AMER1: variants seen among roughly 807,000 people sequenced by gnomAD.
The protein encoded by AMER1 is RP11-403E24.2.
AMER1 carries 16 observed loss-of-function variants against 53.0 expected under a neutral mutation model. The observed-to-expected ratio is 0.30, with a 90% CI of 0.20 to 0.46. The LOEUF (loss-of-function observed/expected upper bound fraction) is 0.46, where lower values mean the gene tolerates loss of function less well. AMER1 is among the 20% of genes least tolerant of loss of function. The pLI is 1.00. For synonymous variants in AMER1, 354 were observed against 331.9 expected, an observed-to-expected ratio of 1.07 and a Z score of -0.73; for missense variants, 947 against 884.9, an observed-to-expected ratio of 1.07 and a Z score of -0.89.
rs913123410 is a variant in AMER1, at chrX:64,191,068, G to C, written c.2219C>G (p.Ser740Cys). Reference protein sequence around the residue: ...PDMQEANFGGSPRRAYPTYSP... With the variant: ...PDMQEANFGGCPRRAYPTYSP... ...ATAAGTAGGGTAGGCCCTCCTGGGA[G>C]ATCCTCCAAAATTTGCTTCTTGCAT... The change falls in exon 2 of 2, where the codon TCT (serine) becomes TGT (cysteine). Residue 740 changes from serine (S) to cysteine (C), a missense_variant. Coordinates refer to ENST00000374869, the MANE Select transcript of AMER1 (RefSeq NM_152424.4). 15 of 1,210,604 alleles carry C rather than the reference G, an allele frequency of 1.2e-5. No individual in the cohort carries two copies. The highest frequency in any genetic ancestry group is 1.7e-5 in the Non-Finnish European group (15 of 895,366).
rs1569191775 is a variant in AMER1, at chrX:64,191,339, G to C, written c.1948C>G (p.Pro650Ala). 1 of 1,211,549 alleles carries C rather than the reference G, an allele frequency of 8.3e-7. No homozygotes were observed. ...GGCCTCATCTGATACTCTAAGACGG[G>C]CTTCTCCTGCCGGGCCTGGGTCTCT... ...VRETQARQEK[P>A]VLEYQMRPLG... Residue 650 changes from proline (P) to alanine (A), a missense_variant, in exon 2 of 2, where the codon CCC becomes GCC. By Grantham distance (27) the Pro-to-Ala change is conservative. Coordinates refer to ENST00000374869, the MANE Select transcript of AMER1 (RefSeq NM_152424.4).
chrX:64,190,717 C>T lies in AMER1; in HGVS notation c.2570G>A (p.Arg857Gln), dbSNP rs758807218. ...HKHAFNNYHS[R>Q]FYQGLPWGVS... is the part of the protein sequence containing the mutation. Reference sequence around the variant, plus strand: ...ACCCCAGGGCAGGCCTTGGTAGAATCGACTATGGTAGTTGTTGAAGGCATG... The same window carrying T: ...ACCCCAGGGCAGGCCTTGGTAGAATTGACTATGGTAGTTGTTGAAGGCATG... The change falls in exon 2 of 2, where the codon CGA becomes CAA. Residue 857 changes from arginine to glutamine, a missense_variant. By Grantham distance (43) the Arg-to-Gln change is conservative (BLOSUM62 1). Transcript: ENST00000374869. 1.7e-5 allele frequency: 20 copies of T among 1,206,155 alleles called. No individual in the cohort carries two copies. The African/African-American group carries it at 2.6e-4, about 16-fold the overall frequency.
chrX:64,189,797 C>CA lies in AMER1; in HGVS notation c.*81_*82insT. 7 of 129,307 alleles carry CA rather than the reference C, an allele frequency of 5.4e-5. No individual in the cohort carries two copies. Among genetic ancestry groups the CA allele is most frequent in the Admixed American group, 2.3e-4 (2 of 8,640 alleles). 10.7% of individuals were successfully genotyped at this position (129,307 alleles called of 1,213,427 possible). On this transcript the variant is annotated 3_prime_UTR_variant, in exon 2 of 2. Coordinates refer to ENST00000374869, the MANE Select transcript of AMER1 (RefSeq NM_152424.4). ...GGGTTTTCAAGTTAAACAACAACCC[C>CA]CACCCCCCCACCCTTCTGCCCAACC...
Position 64,186,038 on chromosome X carries a change from T to C in AMER1, c.*3841A>G. ...GAAAAAAAATAAGACACATGAGTAC[T>C]CTCAGAGGGTCTAGACATGGGGAAG... On this transcript the variant is annotated 3_prime_UTR_variant, in exon 2 of 2. Coordinates refer to ENST00000374869, the MANE Select transcript of AMER1 (RefSeq NM_152424.4). The C allele has an allele frequency of 1.1e-6, 1 of 950,827 alleles. No individual in the cohort carries two copies. The highest frequency in any genetic ancestry group is 1.5e-6 in the Non-Finnish European group (1 of 675,593). 78.4% of individuals were successfully genotyped at this position (950,827 alleles called of 1,213,427 possible). A position where few individuals can be genotyped will look rare whatever the true frequency, so the allele number is the denominator to read the frequency against.
Position 64,188,602 on chromosome X carries a change from A to G in AMER1, c.*1277T>C. 1 of 802,688 alleles carries G rather than the reference A, an allele frequency of 1.2e-6. No homozygotes were observed. The highest frequency in any genetic ancestry group is 1.5e-6 in the Non-Finnish European group (1 of 668,975). 66.2% of individuals were successfully genotyped at this position (802,688 alleles called of 1,213,427 possible). On this transcript the variant is annotated 3_prime_UTR_variant, in exon 2 of 2. Transcript: ENST00000374869. ...GATGCCTTTGGTATCCTGTCTTGGG[A>G]GTGCAAACCTGGGGCCTTATTACAG...
In AMER1 at chrX:64,191,090, G is replaced by T. The variant is rs1391706502; in HGVS notation, c.2197C>A (p.Gln733Lys). The change falls in exon 2 of 2, where the codon CAA becomes AAA. Residue 733 changes from glutamine to lysine, a missense_variant. By Grantham distance (53) the Gln-to-Lys change is moderately conservative. Transcript: ENST00000374869. ...QSDAMFEPDM[Q>K]EANFGGSPRR... is the part of the protein sequence containing the mutation. Reference sequence around the variant, plus strand: ...GGAGATCCTCCAAAATTTGCTTCTTGCATGTCTGGCTCAAACATGGCATCA... The same window carrying T: ...GGAGATCCTCCAAAATTTGCTTCTTTCATGTCTGGCTCAAACATGGCATCA... The T allele has an allele frequency of 2.5e-6, 3 of 1,210,692 alleles. No individual in the cohort carries two copies. Among genetic ancestry groups the T allele is most frequent in the Non-Finnish European group, 3.4e-6 (3 of 895,388 alleles).
At position 64,193,017 on chromosome X, in the gene AMER1, G is replaced by A. The variant is rs148294124; in HGVS notation, c.270C>T (p.Leu90=). The change falls in exon 2 of 2, where the codon CTC becomes CTT. Residue 90 remains leucine, a synonymous_variant. Coordinates refer to ENST00000374869, the MANE Select transcript of AMER1 (RefSeq NM_152424.4). ...GGCCATCGTGGGTCTTGCTCTTGCT[G>A]AGACCTTTCTTGGAGCTGCCTTTCC... ...GSGKGSSKKG[L]SKSKTHDGLS... The A allele has an allele frequency of 2.1e-5, 25 of 1,210,040 alleles. No individual in the cohort carries two copies. The highest frequency in any genetic ancestry group is 2.7e-5 in the Non-Finnish European group (24 of 895,229).
At chrX:64,203,139 G>C (rs1031724142) in intron 1 of AMER1, among the ~76,000 whole-genome samples, 2 of 112,056 alleles carry the variant, frequency 1.8e-5, no homozygotes, top group Non-Finnish European at 3.8e-5. Context: ...TTTGTCTCTT[G>C]GCTCATGAAT....
chrX:64,188,383 C>T lies in AMER1; in HGVS notation c.*1496G>A. ...CAAGATTAGCCTGTTCCAATGTCTT[C>T]CTGACAGCAAGCTCTTCCCCACCAG... On this transcript the variant is annotated 3_prime_UTR_variant, in exon 2 of 2. Coordinates refer to ENST00000374869, the MANE Select transcript of AMER1 (RefSeq NM_152424.4). The T allele has an allele frequency of 1.1e-5, 9 of 804,379 alleles. No individual in the cohort carries two copies. In the South Asian group the frequency reaches 4.6e-4, roughly 41 times the overall value. 66.3% of individuals were successfully genotyped at this position (804,379 alleles called of 1,213,427 possible). A position where few individuals can be genotyped will look rare whatever the true frequency, so the allele number is the denominator to read the frequency against.
In AMER1 at chrX:64,188,572, G is replaced by C. The variant is rs1930155654; in HGVS notation, c.*1307C>G. On this transcript the variant is annotated 3_prime_UTR_variant, in exon 2 of 2. Transcript: ENST00000374869. ...GCTCTTTAAAGGGCCCAGAACAGCA[G>C]CTGAGATGCCTTTGGTATCCTGTCT... The C allele has an allele frequency of 1.2e-6, 1 of 802,019 alleles. No individual in the cohort carries two copies. The highest frequency in any genetic ancestry group is 2.2e-5 in the African/African-American group (1 of 45,422). The allele number at this position is 802,019 out of a possible 1,213,427, so 66.1% of individuals were successfully genotyped here. A position where few individuals can be genotyped will look rare whatever the true frequency, so the allele number is the denominator to read the frequency against.
rs746320756 is a variant in AMER1 at position 64,192,913 on chromosome X, C to T, written c.374G>A (p.Cys125Tyr). ...GFSLPLPELPCQFPSSQSAHG... is the reference protein window; with the variant it reads ...GFSLPLPELPYQFPSSQSAHG... Reference sequence around the variant, plus strand: ...GGCACTCTGAGAGCTGGGAAATTGGCAGGGTAACTCAGGCAAAGGCAGGGA... The same window carrying T: ...GGCACTCTGAGAGCTGGGAAATTGGTAGGGTAACTCAGGCAAAGGCAGGGA... Residue 125 changes from cysteine (C) to tyrosine (Y), a missense_variant, in exon 2 of 2, where the codon TGC (cysteine) becomes TAC (tyrosine). Transcript: ENST00000374869. 7 of 1,211,623 alleles carry T rather than the reference C, an allele frequency of 5.8e-6. No individual in the cohort carries two copies. Among genetic ancestry groups the T allele is most frequent in the South Asian group, 1.8e-5 (1 of 56,955 alleles).
intron 1 of AMER1, among the ~76,000 whole-genome samples, chrX:64,200,102 C>G (rs1930454779): frequency 8.9e-6 from 1 of 112,760 alleles, no homozygotes; most frequent in African/African-American, 3.2e-5. Flanking sequence ...GAGCCACTTA[C>G]TTGCCACTCC....
intron 1 of AMER1, among the ~76,000 whole-genome samples, chrX:64,202,461 C>T (rs1930508527): frequency 8.9e-6 from 1 of 111,862 alleles, no homozygotes; most frequent in Admixed American, 9.4e-5. Flanking sequence ...CCTTAAATAG[C>T]TGTGTGACCT....
chrX:64,186,640 C>T lies in AMER1; in HGVS notation c.*3239G>A. 8 of 773,437 alleles carry T rather than the reference C, an allele frequency of 1.0e-5. No individual in the cohort carries two copies. The highest frequency in any genetic ancestry group is 1.2e-5 in the Non-Finnish European group (8 of 650,695). The allele number at this position is 773,437 out of a possible 1,213,427, so 63.7% of individuals were successfully genotyped here. A position where few individuals can be genotyped will look rare whatever the true frequency, so the allele number is the denominator to read the frequency against. On this transcript the variant is annotated 3_prime_UTR_variant, in exon 2 of 2. Transcript: ENST00000374869. Reference sequence around the variant, plus strand: ...CCTCCTGAGTGTGTGAAGCTACTTCCCTTCTTGGCATAGGACTAAGGAGGG... The same window carrying T: ...CCTCCTGAGTGTGTGAAGCTACTTCTCTTCTTGGCATAGGACTAAGGAGGG...
At chrX:64,201,301 C>T (rs923403527) in intron 1 of AMER1, among the ~76,000 whole-genome samples, 11 of 110,975 alleles carry the variant, frequency 9.9e-5, no homozygotes, top group African/African-American at 2.6e-4. Context: ...AAAAATAAGA[C>T]GAAGCAGAGG....
intron 1 of AMER1, among the ~76,000 whole-genome samples, chrX:64,203,094 C>T (rs1930522965): frequency 8.9e-6 from 1 of 112,221 alleles, no homozygotes; most frequent in Non-Finnish European, 1.9e-5. Flanking sequence ...GATGATCCCC[C>T]TGCTTATACA....
chrX:64,202,603 C>T (rs1930511585), intron 1 of AMER1, among the ~76,000 whole-genome samples: 1 of 111,330 alleles, frequency 9.0e-6, no homozygotes, highest in South Asian at 3.8e-4. Context: ...CACTTCTCAG[C>T]CCCACTTCCC....
intron 1 of AMER1, among the ~76,000 whole-genome samples, chrX:64,205,048 C>T (rs750109497): frequency 8.8e-6 from 1 of 113,591 alleles, no homozygotes; most frequent in African/African-American, 3.2e-5. Context: ...CGGGCCCAAG[C>T]CAGCACGCCA....
rs200552684 is a variant in AMER1, at chrX:64,192,379, C to T, written c.908G>A (p.Gly303Asp). 319 of 1,211,225 alleles carry T rather than the reference C, an allele frequency of 2.6e-4. No individual in the cohort carries two copies. Among genetic ancestry groups the T allele is most frequent in the Non-Finnish European group, 3.4e-4 (300 of 895,461 alleles). Reference protein sequence around the residue: ...VVAGEVNPPNGPVGDPLSLLF... With the variant: ...VVAGEVNPPNDPVGDPLSLLF... Reference sequence around the variant, plus strand: ...GAGGCTCAGTGGGTCCCCCACAGGGCCATTGGGTGGGTTTACCTCTCCTGC... The same window carrying T: ...GAGGCTCAGTGGGTCCCCCACAGGGTCATTGGGTGGGTTTACCTCTCCTGC... The change falls in exon 2 of 2, where the codon GGC becomes GAC. Residue 303 changes from glycine (G) to aspartate (D), a missense_variant. Transcript: ENST00000374869.
Sources: gnomAD v4.1 joint callset for allele counts (sites outside exome capture counted in the v4.1 genomes callset) on GRCh38, gnomAD v4.1.1 for gene constraint, MANE v1.5 for transcripts, NCBI Gene and HGNC (gene_info 2026-07-23, HGNC 2026-07-21) for gene names.